SHROOM3: variants seen among roughly 807,000 people sequenced by gnomAD.
SHROOM3 encodes shroom family member 3.
SHROOM3 carries 47 observed loss-of-function variants against 138.6 expected under a neutral mutation model. The observed-to-expected ratio is 0.34, with a 90% confidence interval of 0.27 to 0.43. The LOEUF (loss-of-function observed/expected upper bound fraction) is 0.43. SHROOM3 is among the 20% of genes least tolerant of loss of function. The pLI, the probability that SHROOM3 is intolerant of heterozygous loss-of-function variation, is 1.00. For synonymous variants in SHROOM3, 1,062 were observed against 1,063.3 expected (o/e 1.00, Z 0.02); for missense variants, 2,491 against 2,596.5 (o/e 0.96, Z 0.88).
intron 2 of SHROOM3, among the ~76,000 whole-genome samples, chr4:76,625,077 G>A (rs1421654911): frequency 1.3e-5 from 2 of 152,186 alleles, no homozygotes; most frequent in Admixed American, 6.5e-5. Flanking sequence ...CAGACTCCTA[G>A]TTTATGCAGT....
intron 1 of SHROOM3, among the ~76,000 whole-genome samples, chr4:76,555,088 G>A (rs1022508124): frequency 6.6e-6 from 1 of 151,628 alleles, no homozygotes; most frequent in African/African-American, 2.4e-5. Context: ...ATGCTGAGTT[G>A]TATAATTATT....
At chr4:76,566,186 T>C (rs540024359) in intron 2 of SHROOM3, among the ~76,000 whole-genome samples, 2 of 152,220 alleles carry the variant, frequency 1.3e-5, no homozygotes, top group East Asian at 3.9e-4. Context: ...CCTTTTTTTC[T>C]TGTCATTCTT....
At chr4:76,577,195 A>G (rs952648984) in intron 2 of SHROOM3, among the ~76,000 whole-genome samples, 2 of 152,196 alleles carry the variant, frequency 1.3e-5, no homozygotes, top group Non-Finnish European at 2.9e-5. Context: ...AAGATAATCT[A>G]TACTTGAAAT....
At position 76,710,187 on chromosome 4, in the gene SHROOM3, A is replaced by C; in HGVS notation, c.355A>C (p.Thr119Pro). 2 of 1,614,144 alleles carry C rather than the reference A, an allele frequency of 1.2e-6. No homozygotes were observed. Among genetic ancestry groups the C allele is most frequent in the South Asian group, 2.2e-5 (2 of 91,078 alleles). The change falls in exon 3 of 11, where the codon ACT becomes CCT. Residue 119 changes from threonine (T) to proline (P), a missense_variant. Coordinates refer to ENST00000296043, the MANE Select transcript of SHROOM3 (RefSeq NM_020859.4). ...GTGCACAGACCCAGGCCATGCAGAT[A>C]CTGGTGCCTCTAACTTCGTCAGCCC... ...DVCTDPGHADTGASNFVSPEH... is the reference protein window; with the variant it reads ...DVCTDPGHADPGASNFVSPEH...
chr4:76,631,214 T>A (rs1048333237), intron 2 of SHROOM3, among the ~76,000 whole-genome samples: 1 of 143,156 alleles, frequency 7.0e-6, no homozygotes, highest in Non-Finnish European at 1.5e-5. Flanking sequence ...TTTTTTTTTT[T>A]TTTTTTTTTT....
chr4:76,669,494 A>ATC (rs888358746), intron 2 of SHROOM3, among the ~76,000 whole-genome samples: 1 of 151,948 alleles, frequency 6.6e-6, no homozygotes, highest in African/African-American at 2.4e-5. Flanking sequence ...TGTGCCTGTA[A>ATC]TCTCAGCTAC....
chr4:76,532,567 T>TCC (rs755158273), intron 1 of SHROOM3, among the ~76,000 whole-genome samples: 18,726 of 152,166 alleles, frequency 0.12, 1,662 homozygotes, highest in African/African-American at 0.25. Flanking sequence ...ACATTTCTGT[T>TCC]TGTGCCTTTC....
At chr4:76,555,512 G>T (rs1733465098) in intron 1 of SHROOM3, 97 bp from the exon 2 acceptor site, 2 of 1,570,906 alleles carry the variant, frequency 1.3e-6, no homozygotes, top group African/African-American at 1.4e-5. Flanking sequence ...TGGTCCGTTG[G>T]GCTCTGCAGG....
At chr4:76,443,975 T>C (rs1403238089) in intron 1 of SHROOM3, among the ~76,000 whole-genome samples, 1 of 152,178 alleles carries the variant, frequency 6.6e-6, no homozygotes, top group African/African-American at 2.4e-5. Context: ...TCACCTAGGC[T>C]AGAGTGCAGT....
intron 1 of SHROOM3, among the ~76,000 whole-genome samples, chr4:76,535,822 GCA>G (rs1408553772): frequency 2.0e-5 from 3 of 152,222 alleles, no homozygotes; most frequent in Admixed American, 1.3e-4. Context: ...CTCTCCTACA[GCA>G]CAGTTTTGAG....
chr4:76,587,263 A>C (rs1285173872), intron 2 of SHROOM3: 1 of 152,222 alleles, frequency 6.6e-6, no homozygotes, highest in African/African-American at 2.4e-5. Flanking sequence ...GATTGATAAA[A>C]AAGACTGGTG....
intron 2 of SHROOM3, among the ~76,000 whole-genome samples, chr4:76,631,271 C>T (rs1447057664): frequency 1.5e-5 from 2 of 132,676 alleles, no homozygotes; most frequent in African/African-American, 5.8e-5. Flanking sequence ...TGTAGTGGTG[C>T]AATCTTGGCT....
intron 1 of SHROOM3, among the ~76,000 whole-genome samples, chr4:76,453,622 T>G (rs1231725225): frequency 2.6e-5 from 4 of 152,216 alleles, no homozygotes; most frequent in Admixed American, 2.6e-4. Context: ...TGCATTTCCC[T>G]AATATTTAGT....
At chr4:76,647,675 G>T (rs1163883936) in intron 2 of SHROOM3, among the ~76,000 whole-genome samples, 1 of 151,936 alleles carries the variant, frequency 6.6e-6, no homozygotes, top group Non-Finnish European at 1.5e-5. Context: ...CAGGCAGATC[G>T]CTTGAGCCCA....
At chr4:76,644,196 A>G (rs1407653981) in intron 2 of SHROOM3, 1 of 151,306 alleles carries the variant, frequency 6.6e-6, no homozygotes, top group East Asian at 2.0e-4. Context: ...ATTTATGTCA[A>G]TAGTAATCCT....
chr4:76,630,947 G>T (rs1033759666), intron 2 of SHROOM3, among the ~76,000 whole-genome samples: 8 of 152,154 alleles, frequency 5.3e-5, no homozygotes, highest in Admixed American at 3.3e-4. Context: ...CACTTAGAGA[G>T]AATTAACTCA....
intron 4 of SHROOM3, among the ~76,000 whole-genome samples, chr4:76,735,542 A>G (rs1263250422): frequency 6.6e-6 from 1 of 152,058 alleles, no homozygotes; most frequent in Non-Finnish European, 1.5e-5. Context: ...TACCATCTAT[A>G]TTTTAAGATA....
At position 76,740,286 on chromosome 4, in the gene SHROOM3, G is replaced by C. The variant is rs913133383; in HGVS notation, c.2113G>C (p.Gly705Arg). Residue 705 changes from glycine (G) to arginine (R), a missense_variant, in exon 5 of 11, where the codon GGG becomes CGG. Coordinates refer to ENST00000296043, the MANE Select transcript of SHROOM3 (RefSeq NM_020859.4). This position sits in a 1 kb window ranked among gnomAD's most constrained non-coding sequence, Gnocchi z 4.0. ...CAVNTKAEDP[G>R]RKAAPDLGSH... ...AGTCAACACCAAGGCAGAAGACCCT[G>C]GGAGGAAAGCCGCTCCTGACCTCGG... 9 of 1,613,172 alleles carry C rather than the reference G, an allele frequency of 5.6e-6. No individual in the cohort carries two copies. Among genetic ancestry groups the C allele is most frequent in the East Asian group, 4.5e-5 (2 of 44,874 alleles).
At chr4:76,656,561 T>G (rs1250632086) in intron 2 of SHROOM3, among the ~76,000 whole-genome samples, 1 of 152,212 alleles carries the variant, frequency 6.6e-6, no homozygotes, top group Non-Finnish European at 1.5e-5. Flanking sequence ...GAAAAAGCCC[T>G]TCTTACTCGA....
Sources: allele counts gnomAD v4.1 joint callset (sites outside exome capture counted in the v4.1 genomes callset), GRCh38; gene constraint gnomAD v4.1.1; non-coding constraint Gnocchi (gnomAD v3.1); transcripts MANE v1.5; gene names NCBI Gene and HGNC (gene_info 2026-07-23, HGNC 2026-07-21).